CTNNA2: variants seen among roughly 807,000 people sequenced by gnomAD.
CTNNA2 encodes the protein catenin alpha 2, also known as catenin alpha-2.
Under a neutral mutation model 101.0 loss-of-function variants are expected in CTNNA2, and 42 were observed. The observed-to-expected ratio is 0.42, with a 90% confidence interval of 0.32 to 0.54. The LOEUF is 0.54. CTNNA2 is among the 20% of genes least tolerant of loss of function. The probability of loss-of-function intolerance (pLI) is 0.14; values close to 1 mark genes in which losing one functional copy is unlikely to be tolerated. For synonymous variants in CTNNA2, 450 were observed against 456.4 expected, an observed-to-expected ratio of 0.99 and a Z score of 0.18; for missense variants, 871 against 1,223.1, an observed-to-expected ratio of 0.71 and a Z score of 4.29.
At chr2:79,606,710 G>T (rs920594234) in intron 1 of CTNNA2, among the ~76,000 whole-genome samples, 13 of 152,126 alleles carry the variant, frequency 8.5e-5, no homozygotes, top group African/African-American at 3.1e-4. Flanking sequence ...TTACAAAGTG[G>T]TATAGTATCA....
At chr2:80,289,956 CCT>C (rs1334711879) in intron 7 of CTNNA2, among the ~76,000 whole-genome samples, 1 of 152,112 alleles carries the variant, frequency 6.6e-6, no homozygotes, top group Non-Finnish European at 1.5e-5. Flanking sequence ...AGGATATGGG[CCT>C]CAAAAGTCAC....
intron 3 of CTNNA2, among the ~76,000 whole-genome samples, chr2:79,335,071 G>A (rs533952434): frequency 6.6e-6 from 1 of 152,040 alleles, no homozygotes; most frequent in Non-Finnish European, 1.5e-5. Context: ...TTCTTCCCCT[G>A]TTTAGTTAAC....
intron 9 of CTNNA2, among the ~76,000 whole-genome samples, chr2:80,422,696 T>A (rs1247564420): frequency 1.3e-5 from 2 of 152,186 alleles, no homozygotes; most frequent in Non-Finnish European, 2.9e-5. Context: ...GATGTTGAGA[T>A]GATTTTCTCG....
At chr2:80,361,155 A>G (rs918775144) in intron 7 of CTNNA2, among the ~76,000 whole-genome samples, 1 of 152,108 alleles carries the variant, frequency 6.6e-6, no homozygotes, top group Non-Finnish European at 1.5e-5. Context: ...TTTCTAGCAG[A>G]TGGAACATCA....
intron 7 of CTNNA2, among the ~76,000 whole-genome samples, chr2:79,951,953 C>T (rs2104497176): frequency 6.6e-6 from 1 of 152,194 alleles, no homozygotes; most frequent in Middle Eastern, 3.4e-3. Flanking sequence ...AAGTCTGTAC[C>T]ATGGCTGCTC....
At chr2:79,870,895 G>T (rs1051019477) in intron 5 of CTNNA2, among the ~76,000 whole-genome samples, 3 of 152,016 alleles carry the variant, frequency 2.0e-5, no homozygotes, top group Non-Finnish European at 4.4e-5. Flanking sequence ...TCCACATGTG[G>T]GGTTTACAAT....
At chr2:79,893,939 A>G (rs1324358526) in intron 6 of CTNNA2, among the ~76,000 whole-genome samples, 1 of 152,084 alleles carries the variant, frequency 6.6e-6, no homozygotes, top group Non-Finnish European at 1.5e-5. Context: ...TAAGTATCTG[A>G]AAAATTCTCT....
chr2:80,522,098 C>T (rs1189656640), intron 9 of CTNNA2, among the ~76,000 whole-genome samples: 1 of 152,214 alleles, frequency 6.6e-6, no homozygotes, highest in African/African-American at 2.4e-5. Flanking sequence ...AACCTGGATC[C>T]TGTGTTTCTC....
intron 4 of CTNNA2, among the ~76,000 whole-genome samples, chr2:79,463,178 G>A (rs570898144): frequency 2.6e-5 from 4 of 152,216 alleles, no homozygotes; most frequent in South Asian, 2.1e-4. Context: ...TTGGGAGGCC[G>A]AGGCAGGAGG....
intron 12 of CTNNA2, among the ~76,000 whole-genome samples, chr2:80,567,930 A>C (rs1167437956): frequency 6.6e-6 from 1 of 152,074 alleles, no homozygotes; most frequent in African/African-American, 2.4e-5. Context: ...TCTCTCGAAC[A>C]GGGGCTTTGT....
intron 7 of CTNNA2, among the ~76,000 whole-genome samples, chr2:80,068,685 G>A (rs527647726): frequency 2.0e-5 from 3 of 152,154 alleles, no homozygotes; most frequent in Non-Finnish European, 4.4e-5. Flanking sequence ...TAACTTGAGA[G>A]TTGGAGAGTG....
At chr2:79,396,826 A>G (rs1182700779) in intron 4 of CTNNA2, among the ~76,000 whole-genome samples, 20 of 152,196 alleles carry the variant, frequency 1.3e-4, no homozygotes, top group Admixed American at 1.3e-3. Flanking sequence ...GCAAAAAATA[A>G]CAATCTCTTT....
intron 13 of CTNNA2, among the ~76,000 whole-genome samples, chr2:80,580,349 T>G (rs1195188820): frequency 6.6e-6 from 1 of 152,186 alleles, no homozygotes; most frequent in Non-Finnish European, 1.5e-5. Flanking sequence ...ACTTTATAGA[T>G]TGGAAAGGAT....
intron 2 of CTNNA2, among the ~76,000 whole-genome samples, chr2:79,684,777 A>G (rs1558836321): frequency 6.6e-6 from 1 of 152,198 alleles, no homozygotes; most frequent in Non-Finnish European, 1.5e-5. Flanking sequence ...AAATGACTAT[A>G]CACATTTCCT....
chr2:79,633,641 A>G (rs1009485976), intron 1 of CTNNA2: 12 of 152,166 alleles, frequency 7.9e-5, no homozygotes, highest in African/African-American at 2.9e-4. Flanking sequence ...AATTACACTC[A>G]AATGTAATTC....
At chr2:80,245,079 C>T (rs1671221033) in intron 7 of CTNNA2, among the ~76,000 whole-genome samples, 1 of 152,278 alleles carries the variant, frequency 6.6e-6, no homozygotes, top group South Asian at 2.1e-4. Flanking sequence ...TGTTCACAGT[C>T]GAGTTCCCCT....
At chr2:80,376,130 A>T (rs1228957490) in intron 7 of CTNNA2, among the ~76,000 whole-genome samples, 4 of 151,784 alleles carry the variant, frequency 2.6e-5, no homozygotes, top group Non-Finnish European at 5.9e-5. Flanking sequence ...CATCTCTACC[A>T]TTATTTGATT....
intron 2 of CTNNA2, among the ~76,000 whole-genome samples, chr2:79,246,204 A>C (rs182569863): frequency 2.0e-5 from 3 of 152,244 alleles, no homozygotes; most frequent in Non-Finnish European, 1.5e-5. Context: ...CATTTTCTAC[A>C]CTTACTTGAG....
intron 7 of CTNNA2, among the ~76,000 whole-genome samples, chr2:80,211,291 C>T (rs929078824): frequency 1.8e-4 from 27 of 152,166 alleles, no homozygotes; most frequent in Admixed American, 3.3e-4. Flanking sequence ...AGTCCTTGCC[C>T]ATGCCTATGG....
Sources: allele counts gnomAD v4.1 joint callset (sites outside exome capture counted in the v4.1 genomes callset), GRCh38; gene constraint gnomAD v4.1.1; transcripts MANE v1.5; gene names NCBI Gene and HGNC (gene_info 2026-07-23, HGNC 2026-07-21).